The following KANK1 variants were observed in gnomAD, a reference collection of about 807,000 sequenced individuals.
The protein encoded by KANK1 is KN motif and ankyrin repeat domains 1.
KANK1 carries 109 observed loss-of-function variants against 106.2 expected under a neutral mutation model. The ratio of observed to expected loss-of-function variants is 1.03; its 90% CI spans 0.88 to 1.20. The LOEUF is 1.20. KANK1 is among the 50% of genes most tolerant of loss of function. KANK1 has a pLI of 0.00. For missense variants in KANK1, 2,399 were observed against 1,710.7 expected, an observed-to-expected ratio of 1.40 and a Z score of -7.10; for synonymous variants, 873 against 652.2, an observed-to-expected ratio of 1.34 and a Z score of -5.16.
intron 1 of KANK1, among the ~76,000 whole-genome samples, chr9:663,178 G>T (rs1448764400): frequency 1.3e-5 from 2 of 151,652 alleles, no homozygotes; most frequent in Non-Finnish European, 2.9e-5. Context: ...AATGAGAACT[G>T]TACATTTAAA....
At chr9:641,770 C>T (rs980035317) in intron 1 of KANK1, among the ~76,000 whole-genome samples, 4 of 152,116 alleles carry the variant, frequency 2.6e-5, no homozygotes, top group African/African-American at 7.2e-5. Flanking sequence ...TTACCCTGAT[C>T]GTAATGACAA....
intron 1 of KANK1, among the ~76,000 whole-genome samples, chr9:599,963 A>G (rs542411190): frequency 6.6e-6 from 1 of 151,988 alleles, no homozygotes; most frequent in African/African-American, 2.4e-5. Context: ...TTATACCCAC[A>G]TCAACGTATG....
intron 1 of KANK1, among the ~76,000 whole-genome samples, chr9:523,012 G>C (rs189504369): frequency 6.6e-6 from 1 of 151,794 alleles, no homozygotes; most frequent in Non-Finnish European, 1.5e-5. Context: ...CTCAGTTCTT[G>C]ATCTCTTTTC....
intron 1 of KANK1, among the ~76,000 whole-genome samples, chr9:573,436 A>C (rs945092761): frequency 6.6e-6 from 1 of 151,780 alleles, no homozygotes; most frequent in African/African-American, 2.4e-5. Context: ...CGCGTGGCTA[A>C]TTTTTTTGTA....
chr9:651,928 T>C (rs1252980800), intron 1 of KANK1, among the ~76,000 whole-genome samples: 5 of 152,234 alleles, frequency 3.3e-5, no homozygotes, highest in African/African-American at 1.2e-4. Context: ...AAATTAATAG[T>C]ATACTGGGAT....
At chr9:662,303 C>T (rs990387008) in intron 1 of KANK1, among the ~76,000 whole-genome samples, 4 of 152,162 alleles carry the variant, frequency 2.6e-5, no homozygotes, top group African/African-American at 9.7e-5. Context: ...CAATGACTTT[C>T]TTCACAAAAT....
rs1346887643 is a variant in KANK1 at position 592,458 on chromosome 9, CTCTT to C, written c.-83-84424_-83-84421del. ...CTTGTCAGGGCCACAGCTGCTATGACTCTTTCTTTCTGTGAGCACCCCGATCCCC... is the reference window on the plus strand; with the variant it reads ...CTTGTCAGGGCCACAGCTGCTATGACTCTTTCTGTGAGCACCCCGATCCCC... On this transcript the variant is annotated intron_variant, in intron 1 of 11. Coordinates refer to ENST00000382297, the MANE Select transcript of KANK1 (RefSeq NM_015158.5). Among the ~76,000 whole-genome samples the C allele has an allele frequency of 4.1e-5, 6 of 144,898 alleles. 1 individual carries two copies. The highest frequency in any genetic ancestry group is 2.1e-4 in the South Asian group (1 of 4,692).
At chr9:535,425 A>G (rs963231499) in intron 1 of KANK1, among the ~76,000 whole-genome samples, 1 of 152,194 alleles carries the variant, frequency 6.6e-6, no homozygotes, top group African/African-American at 2.4e-5. Flanking sequence ...AGATAGAGAA[A>G]TAGCTCACAT....
intron 1 of KANK1, among the ~76,000 whole-genome samples, chr9:641,066 A>G (rs1838325684): frequency 6.6e-6 from 1 of 152,166 alleles, no homozygotes. Context: ...CAGTTTTTAA[A>G]TAGATGCTGC....
At chr9:644,295 C>T (rs1333675945) in intron 1 of KANK1, among the ~76,000 whole-genome samples, 1 of 150,996 alleles carries the variant, frequency 6.6e-6, no homozygotes, top group Non-Finnish European at 1.5e-5. Flanking sequence ...ACTAATGTTT[C>T]AGTCAAGATG....
chr9:510,917 C>T (rs2059001887), intron 1 of KANK1, among the ~76,000 whole-genome samples: 1 of 152,142 alleles, frequency 6.6e-6, no homozygotes, highest in African/African-American at 2.4e-5. Context: ...GACCAGCCTT[C>T]ATTCAGAATA....
chr9:575,383 A>C (rs1230986427), intron 1 of KANK1, among the ~76,000 whole-genome samples: 3 of 152,120 alleles, frequency 2.0e-5, no homozygotes, highest in Admixed American at 6.6e-5. Flanking sequence ...AATAGATTAC[A>C]GAGGCCAGGC....
At chr9:644,602 C>CT (rs1839241194) in intron 1 of KANK1, among the ~76,000 whole-genome samples, 1 of 150,600 alleles carries the variant, frequency 6.6e-6, no homozygotes. Context: ...CAGTAATTCA[C>CT]TGACTCACTG....
chr9:497,667 A>G (rs1420670395), intron 3 of KANK1, among the ~76,000 whole-genome samples: 2 of 152,170 alleles, frequency 1.3e-5, no homozygotes, highest in Non-Finnish European at 2.9e-5. Flanking sequence ...AGCCTGGGAA[A>G]CATGGCAAAA....
At chr9:505,588 C>T (rs2132613383) in intron 1 of KANK1, among the ~76,000 whole-genome samples, 1 of 152,372 alleles carries the variant, frequency 6.6e-6, no homozygotes, top group Middle Eastern at 3.4e-3. Context: ...CTTTCAGAGG[C>T]AACTGTTCTT....
chr9:637,011 G>A (rs571103489), intron 1 of KANK1, among the ~76,000 whole-genome samples: 1 of 152,118 alleles, frequency 6.6e-6, no homozygotes, highest in Admixed American at 6.5e-5. Context: ...TACCTTTCAG[G>A]AATATTTTAT....
intron 1 of KANK1, among the ~76,000 whole-genome samples, chr9:633,455 C>G (rs1045781046): frequency 6.6e-6 from 1 of 152,122 alleles, no homozygotes; most frequent in East Asian, 1.9e-4. Context: ...GAGACTCCGT[C>G]TCAAAAACAA....
At chr9:664,194 C>T (rs551930728) in intron 1 of KANK1, among the ~76,000 whole-genome samples, 1 of 152,220 alleles carries the variant, frequency 6.6e-6, no homozygotes, top group African/African-American at 2.4e-5. Flanking sequence ...TGTATTTGTA[C>T]CCATTAATCT....
chr9:607,021 T>A (rs1829373548), intron 1 of KANK1, among the ~76,000 whole-genome samples: 1 of 151,896 alleles, frequency 6.6e-6, no homozygotes, highest in South Asian at 2.1e-4. Flanking sequence ...ACTGTGGGAC[T>A]GGGACTTGAA....
Sources: gnomAD v4.1 joint callset for allele counts (sites outside exome capture counted in the v4.1 genomes callset) on GRCh38, gnomAD v4.1.1 for gene constraint, MANE v1.5 for transcripts, NCBI Gene and HGNC (gene_info 2026-07-23, HGNC 2026-07-21) for gene names.